Variants in ANKS1A observed in about 807,000 individuals in gnomAD.
ANKS1A encodes the protein ankyrin repeat and sterile alpha motif domain containing 1A, also known as ankyrin repeat and SAM domain-containing protein 1A.
ANKS1A carries 55 observed loss-of-function variants against 120.3 expected under a neutral mutation model. The ratio of observed to expected loss-of-function variants is 0.46; its 90% CI spans 0.37 to 0.57. The LOEUF (loss-of-function observed/expected upper bound fraction) is 0.57. Among genes scored for constraint, ANKS1A ranks in the 20% least tolerant of loss-of-function variants. ANKS1A has a pLI of 0.00. For missense variants in ANKS1A, 1,123 were observed against 1,480.3 expected (o/e 0.76, Z 3.96); for synonymous variants, 590 against 604.7 (o/e 0.98, Z 0.36).
At chr6:35,053,853 G>C (rs1382762073) in intron 11 of ANKS1A, among the ~76,000 whole-genome samples, 1 of 152,238 alleles carries the variant, frequency 6.6e-6, no homozygotes, top group South Asian at 2.1e-4. Context: ...AGTATTTCTA[G>C]CAGCTAAGCC....
intron 1 of ANKS1A, among the ~76,000 whole-genome samples, chr6:34,960,820 C>T (rs1446586796): frequency 1.3e-5 from 2 of 152,284 alleles, no homozygotes; most frequent in Non-Finnish European, 2.9e-5. Flanking sequence ...CTAGAAGTTT[C>T]CATGAATGAT....
intron 10 of ANKS1A, among the ~76,000 whole-genome samples, chr6:35,002,861 A>G (rs2127545338): frequency 6.6e-6 from 1 of 151,948 alleles, no homozygotes; most frequent in East Asian, 1.9e-4. Flanking sequence ...TAATACCACA[A>G]AAACAGTTAC....
At chr6:35,088,027 G>A (rs2127618137) in intron 23 of ANKS1A, among the ~76,000 whole-genome samples, 1 of 152,346 alleles carries the variant, frequency 6.6e-6, no homozygotes, top group Middle Eastern at 3.4e-3. Context: ...ACAGAACAGA[G>A]CTGCTGGAGG....
At chr6:34,964,339 A>G (rs1223286664) in intron 1 of ANKS1A, among the ~76,000 whole-genome samples, 1 of 152,228 alleles carries the variant, frequency 6.6e-6, no homozygotes, top group East Asian at 1.9e-4. Flanking sequence ...GGTAGAATAC[A>G]GAACGCAATA....
rs960929684 is a variant in ANKS1A at position 35,086,839 on chromosome 6, G to C, written c.3304-113G>C. 1 of 1,070,190 alleles carries C rather than the reference G, an allele frequency of 9.3e-7. No individual in the cohort carries two copies. Among genetic ancestry groups the C allele is most frequent in the African/African-American group, 1.6e-5 (1 of 64,436 alleles). The allele number at this position is 1,070,190 out of a possible 1,614,324, so 66.3% of individuals were successfully genotyped here. ...TGCTCTTTGGCCGAGGAGAATAAGG[G>C]CTGCCCCTCCCAGCACAGGGGCCAC... On this transcript the variant is annotated intron_variant, in intron 22 of 23. Coordinates refer to ENST00000360359, the MANE Select transcript of ANKS1A (RefSeq NM_015245.3). The surrounding 1 kb of genome is among the most constrained non-coding windows in gnomAD (Gnocchi z 5.1).
At chr6:35,045,745 T>C (rs1775689462) in intron 11 of ANKS1A, among the ~76,000 whole-genome samples, 1 of 152,200 alleles carries the variant, frequency 6.6e-6, no homozygotes, top group African/African-American at 2.4e-5. Context: ...GGAAGAATGC[T>C]AGCTCCCCAC....
intron 1 of ANKS1A, among the ~76,000 whole-genome samples, chr6:34,942,536 A>AT: frequency 6.6e-6 from 1 of 152,190 alleles, no homozygotes; most frequent in East Asian, 1.9e-4. Flanking sequence ...TGAGATTTTG[A>AT]TTTTGTATGA....
the ANKS1A span, among the ~76,000 whole-genome samples, chr6:35,097,184 G>T: frequency 6.6e-6 from 1 of 152,068 alleles, no homozygotes; most frequent in African/African-American, 2.4e-5. Context: ...GTTAATTGAA[G>T]GATTAATAGT....
chr6:34,981,432 TC>T (rs1207550302), intron 3 of ANKS1A, among the ~76,000 whole-genome samples: 1 of 152,136 alleles, frequency 6.6e-6, no homozygotes, highest in Non-Finnish European at 1.5e-5. Flanking sequence ...TGGAGACCCT[TC>T]CTTCATGGCA....
chr6:34,926,773 T>C (rs566660152), intron 1 of ANKS1A, among the ~76,000 whole-genome samples: 10 of 152,230 alleles, frequency 6.6e-5, no homozygotes, highest in South Asian at 6.2e-4. Flanking sequence ...CAGTCCCTGA[T>C]TGGGGGCTTG....
intron 11 of ANKS1A, among the ~76,000 whole-genome samples, chr6:35,018,439 A>C (rs555391408): frequency 2.6e-4 from 40 of 152,240 alleles, no homozygotes; most frequent in African/African-American, 9.1e-4. Flanking sequence ...GAAAAAGAGA[A>C]GATCCAGGGT....
In ANKS1A at chr6:35,091,041, T is replaced by G. The variant is rs1778278602; in HGVS notation, c.*2432T>G. The G allele has an allele frequency of 1.0e-6, 1 of 985,796 alleles. No individual in the cohort carries two copies. The highest frequency in any genetic ancestry group is 1.7e-5 in the African/African-American group (1 of 57,244). The allele number at this position is 985,796 out of a possible 1,614,324, so 61.1% of individuals were successfully genotyped here. A position where few individuals can be genotyped will look rare whatever the true frequency, so the allele number is the denominator to read the frequency against. On this transcript the variant is annotated 3_prime_UTR_variant, in exon 24 of 24. Coordinates refer to ENST00000360359, the MANE Select transcript of ANKS1A (RefSeq NM_015245.3). ...AGTCAGAGACATTAGAAAACCAGTCTGAATTGGGTCTGTCTTTGAGATGCC... is the reference window on the plus strand; with the variant it reads ...AGTCAGAGACATTAGAAAACCAGTCGGAATTGGGTCTGTCTTTGAGATGCC...
intron 1 of ANKS1A, among the ~76,000 whole-genome samples, chr6:34,917,369 T>G (rs1250646879): frequency 1.3e-5 from 2 of 152,230 alleles, no homozygotes; most frequent in African/African-American, 2.4e-5. Flanking sequence ...CAGTTAGAAG[T>G]CAGCGATGCT....
At position 35,047,752 on chromosome 6, in the gene ANKS1A, C is replaced by T. The variant is rs531024987; in HGVS notation, c.2011-6347C>T. Among the ~76,000 whole-genome samples, 10 of 152,264 alleles carry T rather than the reference C, an allele frequency of 6.6e-5. No homozygotes were observed. The South Asian group carries it at 1.0e-3, about 16-fold the overall frequency. ...TTTTATTCTTTCAGCAGTTTCTTGG[C>T]GCTTTGAGTAAAAGATTACTTTTAC... is the stretch of plus-strand genomic sequence containing the variant. On this transcript the variant is annotated intron_variant, in intron 11 of 23. Coordinates refer to ENST00000360359, the MANE Select transcript of ANKS1A (RefSeq NM_015245.3).
At position 35,090,930 on chromosome 6, in the gene ANKS1A, C is replaced by A. The variant is rs892070270; in HGVS notation, c.*2321C>A. 1 of 985,564 alleles carries A rather than the reference C, an allele frequency of 1.0e-6. No individual in the cohort carries two copies. The highest frequency in any genetic ancestry group is 1.2e-6 in the Non-Finnish European group (1 of 830,010). 61.1% of individuals were successfully genotyped at this position (985,564 alleles called of 1,614,324 possible). ...CGACAGGCTCTGCGTGTGCAGCTCT[C>A]TGCGTCCCTCCTGGGCCCTCCAGCG... On this transcript the variant is annotated 3_prime_UTR_variant, in exon 24 of 24. Coordinates refer to ENST00000360359, the MANE Select transcript of ANKS1A (RefSeq NM_015245.3).
chr6:35,054,687 C>G (rs1776122264), intron 12 of ANKS1A, among the ~76,000 whole-genome samples: 1 of 152,248 alleles, frequency 6.6e-6, no homozygotes, highest in South Asian at 2.1e-4. Context: ...ACCATTCTTA[C>G]ACTGTATCAC....
At chr6:35,045,694 ATTT>A (rs2127580572) in intron 11 of ANKS1A, among the ~76,000 whole-genome samples, 1 of 152,270 alleles carries the variant, frequency 6.6e-6, no homozygotes, top group Admixed American at 6.5e-5. Context: ...CACGGACGTT[ATTT>A]TGATTTTCTC....
In ANKS1A at chr6:35,083,400, C is replaced by G; in HGVS notation, c.2908-17C>G. 2 of 1,612,888 alleles carry G rather than the reference C, an allele frequency of 1.2e-6. No individual in the cohort carries two copies. Among genetic ancestry groups the G allele is most frequent in the Non-Finnish European group, 1.7e-6 (2 of 1,178,874 alleles). ...CTGAGAAGGGGCACTGACAGGGCCA[C>G]CCCTTGTTTCCTGTAGAAATCTACG... On this transcript the variant is annotated splice_polypyrimidine_tract_variant and intron_variant, in intron 19 of 23. Coordinates refer to ENST00000360359, the MANE Select transcript of ANKS1A (RefSeq NM_015245.3).
chr6:34,928,031 G>T (rs950735457), intron 1 of ANKS1A, among the ~76,000 whole-genome samples: 6 of 152,150 alleles, frequency 3.9e-5, no homozygotes, highest in African/African-American at 1.4e-4. Context: ...GACCCCACAT[G>T]CGGTACTGGC....
Sources: gnomAD v4.1 joint callset for allele counts (sites outside exome capture counted in the v4.1 genomes callset) on GRCh38, gnomAD v4.1.1 for gene constraint, Gnocchi (gnomAD v3.1) non-coding constraint, MANE v1.5 for transcripts, NCBI Gene and HGNC (gene_info 2026-07-23, HGNC 2026-07-21) for gene names.